The following HS1BP3 variants were observed in gnomAD, a reference collection of about 807,000 sequenced individuals.
The protein encoded by HS1BP3 is HCLS1-binding protein 3.
A neutral mutation model predicts 33.5 loss-of-function variants in HS1BP3; 32 were observed. The observed-to-expected ratio is 0.95, with a 90% CI of 0.72 to 1.28. The LOEUF is 1.28. HS1BP3 is among the 50% of genes most tolerant of loss of function. HS1BP3 has a pLI of 0.00. For missense variants in HS1BP3, 486 were observed against 502.3 expected (o/e 0.97, Z 0.31); for synonymous variants, 187 against 209.2 (o/e 0.89, Z 0.92).
intron 2 of HS1BP3, among the ~76,000 whole-genome samples, chr2:20,601,546 G>A (rs577456952): frequency 2.6e-4 from 40 of 152,166 alleles, no homozygotes; most frequent in African/African-American, 8.4e-4. Context: ...TCATGGGGGC[G>A]GGTCTTTCCT....
chr2:20,639,514 A>G (rs978040439), intron 3 of HS1BP3, among the ~76,000 whole-genome samples: 7 of 152,246 alleles, frequency 4.6e-5, no homozygotes, highest in African/African-American at 1.7e-4. Flanking sequence ...GACTTTTAAT[A>G]AAATCACCTT....
chr2:20,641,738 T>C (rs1338013470), intron 2 of HS1BP3, among the ~76,000 whole-genome samples: 2 of 152,206 alleles, frequency 1.3e-5, no homozygotes, highest in Non-Finnish European at 2.9e-5. Context: ...GCCAGGACTC[T>C]TGCTGTCATC....
intron 5 of HS1BP3, among the ~76,000 whole-genome samples, chr2:20,574,630 A>G (rs1693356128): frequency 6.6e-6 from 1 of 152,184 alleles, no homozygotes. Flanking sequence ...AGCAGAAAGC[A>G]TGGTCAGCCT....
At chr2:20,634,201 G>C (rs1695051698) in intron 4 of HS1BP3, among the ~76,000 whole-genome samples, 1 of 152,240 alleles carries the variant, frequency 6.6e-6, no homozygotes, top group African/African-American at 2.4e-5. Flanking sequence ...GGCAGACTGT[G>C]GTGACGGCTG....
In HS1BP3 at chr2:20,629,094, G is replaced by A. The variant is rs143502233; in HGVS notation, c.624-4202C>T. On this transcript the variant is annotated intron_variant, in intron 4 of 6. Transcript: ENST00000304031. Reference sequence around the variant, plus strand: ...ATACATCTGGACAGTTAAGGTGATCGGCTGACAGAAGGGAATTGTCTAAGG... The same window carrying A: ...ATACATCTGGACAGTTAAGGTGATCAGCTGACAGAAGGGAATTGTCTAAGG... 2.2e-3 allele frequency among the ~76,000 whole-genome samples: 340 copies of A among 152,268 alleles called. 2 individuals are homozygous for A. Among genetic ancestry groups the A allele is most frequent in the African/African-American group, 7.9e-3 (328 of 41,540 alleles).
At chr2:20,631,704 T>C (rs1694974119) in intron 4 of HS1BP3, among the ~76,000 whole-genome samples, 1 of 151,984 alleles carries the variant, frequency 6.6e-6, no homozygotes, top group South Asian at 2.1e-4. Flanking sequence ...CAATCCCACC[T>C]GAGCTTGTGG....
chr2:20,601,126 T>C (rs541946269), intron 2 of HS1BP3, among the ~76,000 whole-genome samples: 2 of 152,364 alleles, frequency 1.3e-5, no homozygotes, highest in East Asian at 3.9e-4. Context: ...AGTTTATCAT[T>C]AGCTTCATCA....
At chr2:20,596,169 C>T (rs1372921203) in intron 3 of HS1BP3, among the ~76,000 whole-genome samples, 1 of 152,212 alleles carries the variant, frequency 6.6e-6, no homozygotes, top group Non-Finnish European at 1.5e-5. Context: ...CTGCTCTAAT[C>T]CCACCTCTGG....
Position 20,578,275 on chromosome 2 carries a change from C to G in HS1BP3, c.303-17760G>C, listed in dbSNP as rs193144038. On this transcript the variant is annotated intron_variant, in intron 5 of 5. Transcript: ENST00000446825. Reference sequence around the variant, plus strand: ...GTGGCTCCAGGGCTGCCCTCAGAGGCGGGATGGGATGCAGTCTTCATAGGA... The same window carrying G: ...GTGGCTCCAGGGCTGCCCTCAGAGGGGGGATGGGATGCAGTCTTCATAGGA... Among the ~76,000 whole-genome samples, 337 of 152,272 alleles carry G rather than the reference C, an allele frequency of 2.2e-3. 1 individual carries two copies. The highest frequency in any genetic ancestry group is 7.7e-3 in the African/African-American group (322 of 41,564).
Position 20,639,235 on chromosome 2 carries a change from C to T in HS1BP3, c.407-583G>A, listed in dbSNP as rs547291577. 1.4e-4 allele frequency among the ~76,000 whole-genome samples: 21 copies of T among 152,300 alleles called. No homozygotes were observed. The East Asian group carries it at 2.1e-3, about 15-fold the overall frequency. On this transcript the variant is annotated intron_variant, in intron 3 of 6. Transcript: ENST00000304031. ...TCCATTACAAACTGGCTTAGATGAG[C>T]GCTTCTTGAAGTGTGGTCTTCAGAC...
At chr2:20,627,526 C>T (rs1485818716) in intron 4 of HS1BP3, among the ~76,000 whole-genome samples, 1 of 152,222 alleles carries the variant, frequency 6.6e-6, no homozygotes, top group Non-Finnish European at 1.5e-5. Flanking sequence ...GGACAGCACA[C>T]AAGAGGCCTA....
chr2:20,585,882 G>T (rs1029278445), intron 5 of HS1BP3, among the ~76,000 whole-genome samples: 2 of 152,232 alleles, frequency 1.3e-5, no homozygotes, highest in African/African-American at 4.8e-5. Context: ...CACAGCACAT[G>T]TTGTCTGATC....
chr2:20,638,785 T>TG, intron 3 of HS1BP3, 133 bp from the exon 4 acceptor site: 1 of 686,770 alleles, frequency 1.5e-6, no homozygotes, highest in South Asian at 1.9e-5. Context: ...ACCAAACTCG[T>TG]CCCTCCTGGG....
chr2:20,641,359 T>C (rs985817617), intron 2 of HS1BP3, among the ~76,000 whole-genome samples, 179 bp from the exon 3 acceptor site: 2 of 152,162 alleles, frequency 1.3e-5, no homozygotes, highest in Admixed American at 6.5e-5. Flanking sequence ...GCCTGGCCGA[T>C]AGCAGATTCA....
Position 20,631,181 on chromosome 2 carries a change from G to A in HS1BP3, c.624-6289C>T, listed in dbSNP as rs560899264. On this transcript the variant is annotated intron_variant, in intron 4 of 6. Coordinates refer to ENST00000304031, the MANE Select transcript of HS1BP3 (RefSeq NM_022460.4). ...CCTGGTGATGTCTAGGCTCACTTAT[G>A]CTTTCTACTCAGCAGACTTCACTCT... is the stretch of plus-strand genomic sequence containing the variant. Among the ~76,000 whole-genome samples, 47 of 152,204 alleles carry A rather than the reference G, an allele frequency of 3.1e-4. No homozygotes were observed. The East Asian group carries it at 5.4e-3, about 18-fold the overall frequency.
intron 2 of HS1BP3, among the ~76,000 whole-genome samples, chr2:20,644,259 A>C (rs945126814): frequency 6.6e-6 from 1 of 151,932 alleles, no homozygotes; most frequent in Non-Finnish European, 1.5e-5. Context: ...GTAGATACCC[A>C]CCCAGTTCTC....
At chr2:20,638,704 G>A (rs745971529) in intron 3 of HS1BP3, 52 bp from the exon 4 acceptor site, 3 of 1,450,646 alleles carry the variant, frequency 2.1e-6, no homozygotes, top group Non-Finnish European at 1.9e-6. Context: ...CAGAGCCAGG[G>A]GAGGCATCTT....
rs763388129 is a variant in HS1BP3, at chr2:20,645,372, T to C, written c.166A>G (p.Lys56Glu). 15 of 1,614,006 alleles carry C rather than the reference T, an allele frequency of 9.3e-6. 1 individual carries two copies. The highest frequency in any genetic ancestry group is 5.5e-5 in the South Asian group (5 of 91,056). ...VTRLAAFKSA[K>E]HRPEDVVQFL... ...TGGACGACATCCTCGGGCCTGTGCT[T>C]GGCCGACTTGAACGCAGCCAGACGG... Residue 56 changes from lysine (K) to glutamate (E), a missense_variant, in exon 2 of 7, where the codon AAG (lysine) becomes GAG (glutamate). Lys to Glu is a moderately conservative substitution (Grantham distance 56, BLOSUM62 1). Transcript: ENST00000304031.
At chr2:20,638,221 G>A (rs1009303200) in intron 4 of HS1BP3, 13 of 595,720 alleles carry the variant, frequency 2.2e-5, no homozygotes, top group African/African-American at 1.3e-4. Flanking sequence ...GAAGGGAGGC[G>A]ACACCTAAGC....
Sources: allele counts gnomAD v4.1 joint callset (sites outside exome capture counted in the v4.1 genomes callset), GRCh38; gene constraint gnomAD v4.1.1; transcripts MANE v1.5; gene names NCBI Gene and HGNC (gene_info 2026-07-23, HGNC 2026-07-21).